The following CTIF variants were observed in gnomAD, a reference collection of about 807,000 sequenced individuals.
CTIF encodes the protein cap binding complex dependent translation initiation factor, also known as CBP80/20-dependent translation initiation factor.
A neutral mutation model predicts 66.0 loss-of-function variants in CTIF; 21 were observed. The ratio of observed to expected loss-of-function variants is 0.32; its 90% CI spans 0.23 to 0.46. The LOEUF is 0.46. Ranked by LOEUF, CTIF falls within the 20% of genes least tolerant of loss-of-function variation. The probability of loss-of-function intolerance (pLI) is 1.00; values close to 1 mark genes in which losing one functional copy is unlikely to be tolerated. For synonymous variants in CTIF, 345 were observed against 326.4 expected, an observed-to-expected ratio of 1.06 and a Z score of -0.62; for missense variants, 739 against 812.7, an observed-to-expected ratio of 0.91 and a Z score of 1.10.
intron 2 of CTIF, chr18:48,621,585 G>A: frequency 2.6e-6 from 1 of 384,086 alleles, no homozygotes; most frequent in East Asian, 1.1e-4. Context: ...TGGAGCCCAG[G>A]AGGGGAGTCG....
intron 2 of CTIF, among the ~76,000 whole-genome samples, chr18:48,627,724 A>G (rs2090628286): frequency 6.7e-6 from 1 of 149,628 alleles, no homozygotes; most frequent in African/African-American, 2.5e-5. Flanking sequence ...GTCTCAAAAC[A>G]AACAAACAAA....
At chr18:48,577,366 C>A (rs985949176) in intron 1 of CTIF, among the ~76,000 whole-genome samples, 2 of 152,186 alleles carry the variant, frequency 1.3e-5, no homozygotes, top group African/African-American at 4.8e-5. Context: ...GCCGTTCCTT[C>A]CCCGGCTTCT....
chr18:48,780,643 G>A (rs148217654), intron 9 of CTIF, among the ~76,000 whole-genome samples: 73 of 152,302 alleles, frequency 4.8e-4, no homozygotes, highest in African/African-American at 1.7e-3. Flanking sequence ...ATCCTTTCAT[G>A]TAGCATGCAT....
rs915027802 is a variant in CTIF, at chr18:48,733,755, C to T, written c.584+22060C>T. On this transcript the variant is annotated intron_variant, in intron 7 of 11. Transcript: ENST00000256413. ...TGGCCAAGAGGTCAGCTTCAGGCCA[C>T]GCCTGTGGGGACCCTCCTGGCTCTT... 1.2e-4 allele frequency among the ~76,000 whole-genome samples: 18 copies of T among 152,224 alleles called. 2 individuals are homozygous for T. The South Asian group carries it at 2.3e-3, about 19-fold the overall frequency.
chr18:48,641,814 G>A (rs1374944191), intron 3 of CTIF, among the ~76,000 whole-genome samples: 1 of 152,150 alleles, frequency 6.6e-6, no homozygotes, highest in Admixed American at 6.5e-5. Flanking sequence ...TTTCTCTACT[G>A]TTCCCCATCC....
At chr18:48,601,613 T>A (rs2090092715) in intron 1 of CTIF, among the ~76,000 whole-genome samples, 1 of 152,214 alleles carries the variant, frequency 6.6e-6, no homozygotes, top group African/African-American at 2.4e-5. Context: ...TATAAACTAA[T>A]GGTCTTTCTT....
Position 48,711,621 on chromosome 18 carries a change from C to T in CTIF, c.510C>T (p.Gly170=). ...CCCTTCCTCCCCCCATGACACAGGGCTACCACCCGATGCCCCATGAAGTGG... is the reference window on the plus strand; with the variant it reads ...CCCTTCCTCCCCCCATGACACAGGGTTACCACCCGATGCCCCATGAAGTGG... ...DIEKVLPAWQ[G]YHPMPHEVEI... is the part of the protein sequence containing the mutation. Residue 170 remains glycine, a splice_region_variant and synonymous_variant, in exon 7 of 12, where the codon GGC becomes GGT. Coordinates refer to ENST00000256413, the MANE Select transcript of CTIF (RefSeq NM_014772.3). 6.2e-7 allele frequency: 1 copy of T among 1,613,980 alleles called. No individual in the cohort carries two copies. The highest frequency in any genetic ancestry group is 8.5e-7 in the Non-Finnish European group (1 of 1,179,852).
In CTIF at chr18:48,859,373, A is replaced by G. The variant is rs143593875; in HGVS notation, c.1611A>G (p.Glu537=). 590 of 1,614,040 alleles carry G rather than the reference A, an allele frequency of 3.7e-4. 9 individuals are homozygous for G. The East Asian group carries it at 0.011, about 31-fold the overall frequency. ...ELQSTGRLLE[E]QLPEMMTELL... The stretch of plus-strand genomic sequence containing the variant: ...AGAGTACAGGCCGGCTGCTGGAGGA[A>G]CAGCTGCCTGAGATGATGACAGAGC... The change falls in exon 12 of 12, where the codon GAA becomes GAG. Residue 537 remains glutamate (E), a synonymous_variant. Transcript: ENST00000256413.
intron 9 of CTIF, among the ~76,000 whole-genome samples, chr18:48,764,703 G>A (rs1176327882): frequency 6.6e-6 from 1 of 152,174 alleles, no homozygotes; most frequent in Non-Finnish European, 1.5e-5. Context: ...TTGCCTGGGT[G>A]GAGTATCTGC....
intron 9 of CTIF, among the ~76,000 whole-genome samples, 160 bp from the exon 10 acceptor site, chr18:48,817,061 C>A (rs1430830703): frequency 6.6e-6 from 1 of 152,176 alleles, no homozygotes; most frequent in Non-Finnish European, 1.5e-5. Context: ...TGGTCCCAGC[C>A]ACAGAGAGTG....
intron 9 of CTIF, among the ~76,000 whole-genome samples, chr18:48,804,323 T>G (rs1599077578): frequency 6.6e-6 from 1 of 152,306 alleles, no homozygotes; most frequent in Admixed American, 6.5e-5. Context: ...CACAGACTGT[T>G]GCCAGAGTGC....
At chr18:48,856,532 A>G (rs1307494693) in intron 10 of CTIF, among the ~76,000 whole-genome samples, 1 of 152,282 alleles carries the variant, frequency 6.6e-6, no homozygotes, top group Non-Finnish European at 1.5e-5. Context: ...AGATGAATGG[A>G]TAAACAAAAT....
chr18:48,601,797 G>C lies in CTIF; in HGVS notation c.-28-17741G>C, dbSNP rs111238307. On this transcript the variant is annotated intron_variant, in intron 1 of 11. Coordinates refer to ENST00000256413, the MANE Select transcript of CTIF (RefSeq NM_014772.3). ...AGCAAGAAAATGGAAGACAAGCTTA[G>C]GGATGGCAGTTTCCTGGAGGCAGCC... is the stretch of plus-strand genomic sequence containing the variant. Among the ~76,000 whole-genome samples the C allele has an allele frequency of 3.1e-3, 473 of 152,350 alleles. 6 individuals carry two copies. Among genetic ancestry groups the C allele is most frequent in the African/African-American group, 0.011 (446 of 41,570 alleles).
intron 1 of CTIF, among the ~76,000 whole-genome samples, chr18:48,601,797 G>A (rs111238307): frequency 3.3e-5 from 5 of 152,232 alleles, no homozygotes; most frequent in Non-Finnish European, 7.3e-5. Context: ...GACAAGCTTA[G>A]GGATGGCAGT....
Position 48,861,931 on chromosome 18 carries a change from C to T in CTIF, c.*2372C>T, listed in dbSNP as rs1305205684. The T allele has an allele frequency of 2.6e-5, 4 of 152,080 alleles. No homozygotes were observed. Among genetic ancestry groups the T allele is most frequent in the Admixed American group, 6.5e-5 (1 of 15,270 alleles). 9.4% of individuals were successfully genotyped at this position (152,080 alleles called of 1,614,324 possible). A position where few individuals can be genotyped will look rare whatever the true frequency, so the allele number is the denominator to read the frequency against. ...ACGGTGGCTCCAGACATACTGTTTG[C>T]CTAGTTTATTCCACTGCTTGAAAGC... On this transcript the variant is annotated 3_prime_UTR_variant, in exon 12 of 12. Coordinates refer to ENST00000256413, the MANE Select transcript of CTIF (RefSeq NM_014772.3).
rs532853290 is a variant in CTIF, at chr18:48,610,175, TA to T, written c.-28-9355del. On this transcript the variant is annotated intron_variant, in intron 1 of 11. Transcript: ENST00000256413. ...CTTATCAATACCAGGCAAAAACCTA[TA>T]AAAAAAATTCAAGAGCAGGGCAAGA... Among the ~76,000 whole-genome samples the T allele has an allele frequency of 1.6e-3, 245 of 152,004 alleles. 1 individual carries two copies. Among genetic ancestry groups the T allele is most frequent in the African/African-American group, 5.5e-3 (228 of 41,440 alleles).
At chr18:48,816,706 G>A (rs986237304) in intron 9 of CTIF, among the ~76,000 whole-genome samples, 2 of 152,220 alleles carry the variant, frequency 1.3e-5, no homozygotes, top group Non-Finnish European at 2.9e-5. Context: ...CTCGAGGGAC[G>A]GGCTGTAGCT....
intron 1 of CTIF, among the ~76,000 whole-genome samples, chr18:48,551,564 G>A (rs914982153): frequency 6.6e-6 from 1 of 152,160 alleles, no homozygotes; most frequent in Non-Finnish European, 1.5e-5. Flanking sequence ...CACCCCCTAA[G>A]TGTATTTCAT....
rs543955784 is a variant in CTIF at position 48,784,574 on chromosome 18, C to T, written c.1371+22885C>T. ...TCTCCTGGTTGGCATCTTTGGCTCT[C>T]TCTCTGCAGCAGGATGGAGGAGGGC... On this transcript the variant is annotated intron_variant, in intron 9 of 11. Transcript: ENST00000256413. 2.6e-5 allele frequency among the ~76,000 whole-genome samples: 4 copies of T among 152,164 alleles called. No individual in the cohort carries two copies. In the East Asian group the frequency reaches 7.8e-4, roughly 30 times the overall value.
Sources: allele counts gnomAD v4.1 joint callset (sites outside exome capture counted in the v4.1 genomes callset), GRCh38; gene constraint gnomAD v4.1.1; transcripts MANE v1.5; gene names NCBI Gene and HGNC (gene_info 2026-07-23, HGNC 2026-07-21).